NAALADL2: variants seen among roughly 807,000 people sequenced by gnomAD.
The protein encoded by NAALADL2 is N-acetylated alpha-linked acidic dipeptidase like 2.
In NAALADL2, 76 loss-of-function variants were observed where a neutral mutation model predicts 87.2. The observed-to-expected ratio is 0.87, with a 90% CI of 0.72 to 1.05. NAALADL2 has a LOEUF of 1.05. Ranked by LOEUF, NAALADL2 falls within the 50% of genes least tolerant of loss-of-function variation. The pLI, the probability that NAALADL2 is intolerant of heterozygous loss-of-function variation, is 0.00. For missense variants in NAALADL2, 1,089 were observed against 945.8 expected (o/e 1.15, Z -1.99); for synonymous variants, 354 against 331.0 (o/e 1.07, Z -0.75).
chr3:174,936,248 A>G lies in NAALADL2; in HGVS notation c.43+76798A>G, dbSNP rs1447143054. On this transcript the variant is annotated intron_variant, in intron 1 of 13. Transcript: ENST00000454872. ...GAGATAGTAGTTTGGAAATGACTTT[A>G]GTTTTAAAATAGGTGTTTTCTATAT... 2.6e-5 allele frequency among the ~76,000 whole-genome samples: 4 copies of G among 152,206 alleles called. No homozygotes were observed. The East Asian group carries it at 7.7e-4, about 29-fold the overall frequency.
chr3:175,322,745 C>T (rs1450795542), intron 4 of NAALADL2, among the ~76,000 whole-genome samples: 1 of 148,270 alleles, frequency 6.7e-6, no homozygotes. Flanking sequence ...AAATGCTCAT[C>T]ATCACTAGCC....
intron 3 of NAALADL2, among the ~76,000 whole-genome samples, chr3:174,779,456 T>A (rs1178714338): frequency 6.6e-6 from 1 of 152,236 alleles, no homozygotes; most frequent in Non-Finnish European, 1.5e-5. Context: ...TTTCTTTTAC[T>A]GTGCAGAAGC....
At chr3:174,710,470 C>T (rs1719765) in intron 2 of NAALADL2, among the ~76,000 whole-genome samples, 125,428 of 151,908 alleles carry the variant, frequency 0.83, 52,020 homozygotes, top group Middle Eastern at 0.9. Flanking sequence ...GCCAGGCTGG[C>T]CTTGAACTCC....
At chr3:174,847,796 A>G (rs1313987780) in intron 3 of NAALADL2, among the ~76,000 whole-genome samples, 2 of 127,290 alleles carry the variant, frequency 1.6e-5, no homozygotes, top group Non-Finnish European at 3.4e-5. Context: ...CCATCAGAGT[A>G]TGTATTTGAA....
intron 9 of NAALADL2, among the ~76,000 whole-genome samples, chr3:175,509,424 T>C (rs1730824254): frequency 6.6e-6 from 1 of 152,216 alleles, no homozygotes; most frequent in African/African-American, 2.4e-5. Context: ...CTTGGGGATA[T>C]GTAGCTCATT....
chr3:175,101,843 G>A (rs1028797164), intron 2 of NAALADL2, among the ~76,000 whole-genome samples: 13 of 149,824 alleles, frequency 8.7e-5, no homozygotes, highest in Non-Finnish European at 4.4e-5. Flanking sequence ...TCTAATTATG[G>A]CTAATATAAT....
At chr3:174,893,949 C>A (rs779941735) in intron 1 of NAALADL2, among the ~76,000 whole-genome samples, 3 of 152,066 alleles carry the variant, frequency 2.0e-5, no homozygotes, top group Non-Finnish European at 2.9e-5. Context: ...AAAAACAAGA[C>A]CCATTGATTG....
chr3:174,608,493 C>T (rs1719385609), intron 2 of NAALADL2, among the ~76,000 whole-genome samples: 2 of 151,224 alleles, frequency 1.3e-5, no homozygotes, highest in South Asian at 4.2e-4. Flanking sequence ...CACCACCGAT[C>T]CCACAGAAAT....
At chr3:175,483,472 T>C (rs1039731379) in intron 9 of NAALADL2, among the ~76,000 whole-genome samples, 3 of 151,986 alleles carry the variant, frequency 2.0e-5, no homozygotes, top group African/African-American at 7.2e-5. Flanking sequence ...GTACCTAATA[T>C]GTCTCCTAAT....
rs1189942889 is a variant in NAALADL2, at chr3:175,636,613, G to A, written c.1896+9227G>A. On this transcript the variant is annotated intron_variant, in intron 11 of 13. Transcript: ENST00000454872. Reference sequence around the variant, plus strand: ...CATGGGAAGCTGAGGCAGGAGAATCGTTTGAACCTGGGAGGCGGAGGTTGC... The same window carrying A: ...CATGGGAAGCTGAGGCAGGAGAATCATTTGAACCTGGGAGGCGGAGGTTGC... Among the ~76,000 whole-genome samples, 14 of 149,716 alleles carry A rather than the reference G, an allele frequency of 9.4e-5. 2 individuals are homozygous for A. The Middle Eastern group carries it at 0.014, about 148-fold the overall frequency.
chr3:174,712,380 C>CTTTTTTTT (rs1169827021), intron 2 of NAALADL2, among the ~76,000 whole-genome samples: 26 of 70,452 alleles, frequency 3.7e-4, no homozygotes, highest in Admixed American at 9.5e-4. Flanking sequence ...TTCTCCTCTT[C>CTTTTTTTT]TTTTTTTTTT....
intron 1 of NAALADL2, among the ~76,000 whole-genome samples, chr3:174,932,166 C>T (rs1446968546): frequency 6.6e-6 from 1 of 152,132 alleles, no homozygotes; most frequent in Non-Finnish European, 1.5e-5. Context: ...TTCACCATAA[C>T]TGCAGAGTAG....
intron 2 of NAALADL2, among the ~76,000 whole-genome samples, chr3:175,152,770 G>A (rs1377519401): frequency 6.6e-6 from 1 of 152,050 alleles, no homozygotes; most frequent in Non-Finnish European, 1.5e-5. Flanking sequence ...AGCTGGGCTT[G>A]GTGGCAGGCA....
At chr3:175,536,327 A>G (rs1202456674) in intron 9 of NAALADL2, among the ~76,000 whole-genome samples, 1 of 152,190 alleles carries the variant, frequency 6.6e-6, no homozygotes, top group Non-Finnish European at 1.5e-5. Context: ...GGTAGTTGCC[A>G]TTTAGTAGCT....
chr3:175,696,494 A>T (rs1394292096), intron 11 of NAALADL2, among the ~76,000 whole-genome samples: 1 of 152,080 alleles, frequency 6.6e-6, no homozygotes, highest in Non-Finnish European at 1.5e-5. Flanking sequence ...CATAGAGGAA[A>T]TATTAAGTGA....
At chr3:175,128,454 T>A (rs952132599) in intron 2 of NAALADL2, among the ~76,000 whole-genome samples, 15 of 108,200 alleles carry the variant, frequency 1.4e-4, no homozygotes, top group African/African-American at 6.5e-4. Context: ...TTCTTCAATT[T>A]ACCTTTTTTT....
chr3:174,507,032 A>G (rs1719247162), intron 1 of NAALADL2, among the ~76,000 whole-genome samples: 1 of 151,184 alleles, frequency 6.6e-6, no homozygotes, highest in Non-Finnish European at 1.5e-5. Context: ...TCTTGTCCTT[A>G]TTTCTGGTTT....
chr3:175,165,964 G>A (rs1733941060), intron 2 of NAALADL2, among the ~76,000 whole-genome samples: 1 of 151,126 alleles, frequency 6.6e-6, no homozygotes, highest in Non-Finnish European at 1.5e-5. Flanking sequence ...TTTGCCACCG[G>A]CCTCACATTA....
At chr3:174,589,209 T>G (rs900038549) in intron 2 of NAALADL2, among the ~76,000 whole-genome samples, 4 of 152,200 alleles carry the variant, frequency 2.6e-5, no homozygotes, top group Non-Finnish European at 5.9e-5. Flanking sequence ...GTGTGCTGTT[T>G]GCTAAGACTG....
Sources: gnomAD v4.1 joint callset for allele counts (sites outside exome capture counted in the v4.1 genomes callset) on GRCh38, gnomAD v4.1.1 for gene constraint, MANE v1.5 for transcripts, NCBI Gene and HGNC (gene_info 2026-07-23, HGNC 2026-07-21) for gene names.